The following NXPH1 variants were observed in gnomAD, a reference collection of about 807,000 sequenced individuals.
The protein encoded by NXPH1 is neurexophilin-1.
Under a neutral mutation model 23.7 loss-of-function variants are expected in NXPH1, and 5 were observed. The ratio of observed to expected loss-of-function variants is 0.21; its 90% confidence interval spans 0.11 to 0.44. The LOEUF is 0.44. NXPH1 is among the 20% of genes least tolerant of loss of function. The pLI is 0.99. For synonymous variants in NXPH1, 144 were observed against 122.2 expected (o/e 1.18, Z -1.18); for missense variants, 324 against 321.6 (o/e 1.01, Z -0.06).
intron 2 of NXPH1, among the ~76,000 whole-genome samples, chr7:8,563,708 T>C (rs926981898): frequency 2.0e-5 from 3 of 151,730 alleles, no homozygotes; most frequent in Non-Finnish European, 4.4e-5. Flanking sequence ...TCCTTCTCTA[T>C]AGATTGAGAC....
rs187237375 is a variant in NXPH1, at chr7:8,637,018, G to C, written c.55-113990G>C. 1.9e-3 allele frequency among the ~76,000 whole-genome samples: 283 copies of C among 149,216 alleles called. 2 individuals are homozygous for C. The highest frequency in any genetic ancestry group is 6.9e-3 in the African/African-American group (267 of 38,716). On this transcript the variant is annotated intron_variant, in intron 2 of 2. Transcript: ENST00000405863. ...GCAGCCTAGCTTCATCTCCTTGAGAGCCCTGTGCATGGTACAAAAATCCTT... is the reference window on the plus strand; with the variant it reads ...GCAGCCTAGCTTCATCTCCTTGAGACCCCTGTGCATGGTACAAAAATCCTT...
intron 2 of NXPH1, among the ~76,000 whole-genome samples, chr7:8,647,137 C>T (rs1820410264): frequency 6.6e-6 from 1 of 152,206 alleles, no homozygotes; most frequent in South Asian, 2.1e-4. Context: ...CTCTGCTGTC[C>T]TGCACAAGCA....
chr7:8,463,990 C>T (rs539708240), intron 2 of NXPH1, among the ~76,000 whole-genome samples: 2 of 152,224 alleles, frequency 1.3e-5, no homozygotes, highest in South Asian at 4.1e-4. Flanking sequence ...TTGTTCAAAA[C>T]CATATGTTCC....
chr7:8,582,427 G>T (rs1319294635), intron 2 of NXPH1, among the ~76,000 whole-genome samples: 1 of 152,194 alleles, frequency 6.6e-6, no homozygotes, highest in East Asian at 1.9e-4. Flanking sequence ...AGGTGGAGAG[G>T]AGCTTCACTG....
chr7:8,441,786 T>C (rs1353361888), intron 2 of NXPH1, among the ~76,000 whole-genome samples: 3 of 152,256 alleles, frequency 2.0e-5, no homozygotes, highest in Admixed American at 2.0e-4. Flanking sequence ...AAGTTTGCCC[T>C]GCCCTCGCGG....
chr7:8,716,385 G>T (rs1779879035), intron 2 of NXPH1, among the ~76,000 whole-genome samples: 1 of 152,118 alleles, frequency 6.6e-6, no homozygotes, highest in Admixed American at 6.5e-5. Flanking sequence ...CATGGGATTA[G>T]GATTAATCGA....
intron 2 of NXPH1, among the ~76,000 whole-genome samples, chr7:8,670,688 A>G (rs535136186): frequency 1.3e-5 from 2 of 152,386 alleles, no homozygotes; most frequent in African/African-American, 4.8e-5. Flanking sequence ...TCTTTAAAAC[A>G]TAGGTCAGTG....
At position 8,435,729 on chromosome 7, in the gene NXPH1, T is replaced by C; in HGVS notation, c.16T>C (p.Trp6Arg). ...ACGCGGGAGAATGCAGGCTGCGTGC[T>C]GGTACGTGCTTTTCCTCCTGCAGCC... MQAAC[W>R]YVLFLLQPTV... The change falls in exon 2 of 3, where the codon TGG (tryptophan) becomes CGG (arginine). Residue 6 changes from tryptophan to arginine, a missense_variant. Physicochemically the swap from Trp to Arg is moderately radical, Grantham distance 101 (BLOSUM62 -3). Coordinates refer to ENST00000405863, the MANE Select transcript of NXPH1 (RefSeq NM_152745.3). The surrounding 1 kb of genome is among the most constrained non-coding windows in gnomAD (Gnocchi z 5.9). 1 of 1,613,998 alleles carries C rather than the reference T, an allele frequency of 6.2e-7. No individual in the cohort carries two copies. The highest frequency in any genetic ancestry group is 8.5e-7 in the Non-Finnish European group (1 of 1,179,884).
At position 8,627,360 on chromosome 7, in the gene NXPH1, A is replaced by G. The variant is rs148395324; in HGVS notation, c.55-123648A>G. The stretch of plus-strand genomic sequence containing the variant: ...GCAAGTCTATATGGGAGGAGAAAAG[A>G]ACTCAGGGGAAATAGGTAATGAAAT... On this transcript the variant is annotated intron_variant, in intron 2 of 2. Transcript: ENST00000405863. Among the ~76,000 whole-genome samples, 739 of 152,266 alleles carry G rather than the reference A, an allele frequency of 4.9e-3. 6 individuals carry two copies. Among genetic ancestry groups the G allele is most frequent in the African/African-American group, 0.017 (694 of 41,574 alleles).
chr7:8,501,010 T>C lies in NXPH1; in HGVS notation c.54+65243T>C, dbSNP rs182397586. Among the ~76,000 whole-genome samples the C allele has an allele frequency of 3.3e-3, 505 of 152,174 alleles. 4 individuals carry two copies. Among genetic ancestry groups the C allele is most frequent in the Non-Finnish European group, 4.6e-3 (316 of 67,970 alleles). On this transcript the variant is annotated intron_variant, in intron 2 of 2. Transcript: ENST00000405863. ...GCATGGAAGAGGTCTCTAACTCAAA[T>C]CTTGAAAGGTCTGGTCTGCAATTGT...
rs563970682 is a variant in NXPH1 at position 8,506,123 on chromosome 7, A to G, written c.54+70356A>G. On this transcript the variant is annotated intron_variant, in intron 2 of 2. Transcript: ENST00000405863. Reference sequence around the variant, plus strand: ...GAGATTTTTAAAAACAATTTTATTGAAGTATAATTTATCTATTATAAAATT... The same window carrying G: ...GAGATTTTTAAAAACAATTTTATTGGAGTATAATTTATCTATTATAAAATT... Among the ~76,000 whole-genome samples, 637 of 152,254 alleles carry G rather than the reference A, an allele frequency of 4.2e-3. 6 individuals carry two copies. Among genetic ancestry groups the G allele is most frequent in the African/African-American group, 0.015 (620 of 41,572 alleles).
intron 2 of NXPH1, among the ~76,000 whole-genome samples, chr7:8,463,616 TA>T (rs1816730436): frequency 6.6e-6 from 1 of 152,206 alleles, no homozygotes; most frequent in African/African-American, 2.4e-5. Flanking sequence ...TTTTGATTAT[TA>T]GTATTTTCTT....
At chr7:8,476,097 G>A (rs1483257789) in intron 2 of NXPH1, among the ~76,000 whole-genome samples, 1 of 152,098 alleles carries the variant, frequency 6.6e-6, no homozygotes, top group Non-Finnish European at 1.5e-5. Context: ...TCTACAGTAG[G>A]TTTCTTAACA....
chr7:8,577,756 G>A (rs1818783244), intron 2 of NXPH1, among the ~76,000 whole-genome samples: 1 of 152,164 alleles, frequency 6.6e-6, no homozygotes, highest in Non-Finnish European at 1.5e-5. Context: ...AAGTATTACG[G>A]AGGTGATGAT....
At chr7:8,518,200 C>G (rs1382648409) in intron 2 of NXPH1, among the ~76,000 whole-genome samples, 1 of 152,020 alleles carries the variant, frequency 6.6e-6, no homozygotes, top group Non-Finnish European at 1.5e-5. Context: ...AGGAAAAACC[C>G]AGACTTATTT....
intron 2 of NXPH1, among the ~76,000 whole-genome samples, chr7:8,660,432 A>C (rs1820653831): frequency 1.3e-5 from 2 of 151,994 alleles, no homozygotes; most frequent in African/African-American, 2.4e-5. Flanking sequence ...GCAAAAGCAT[A>C]GTATTTTTTG....
chr7:8,569,041 T>A (rs1252670891), intron 2 of NXPH1, among the ~76,000 whole-genome samples: 1 of 151,928 alleles, frequency 6.6e-6, no homozygotes, highest in Admixed American at 6.6e-5. Context: ...AAAACTGTTT[T>A]GATGAAATTC....
intron 2 of NXPH1, among the ~76,000 whole-genome samples, chr7:8,465,397 T>A (rs1340686443): frequency 6.6e-6 from 1 of 152,116 alleles, no homozygotes; most frequent in South Asian, 2.1e-4. Context: ...ATTAATTACC[T>A]TTTATAAGGC....
intron 2 of NXPH1, among the ~76,000 whole-genome samples, chr7:8,495,331 A>C (rs1413299189): frequency 2.0e-5 from 3 of 151,622 alleles, no homozygotes; most frequent in Non-Finnish European, 4.4e-5. Flanking sequence ...GAGAGTAATC[A>C]GCTTTAATCT....
Sources: gnomAD v4.1 joint callset for allele counts (sites outside exome capture counted in the v4.1 genomes callset) on GRCh38, gnomAD v4.1.1 for gene constraint, Gnocchi (gnomAD v3.1) non-coding constraint, MANE v1.5 for transcripts, NCBI Gene and HGNC (gene_info 2026-07-23, HGNC 2026-07-21) for gene names.